Variants in MYO3B observed in about 807,000 individuals in gnomAD.
MYO3B encodes the protein myosin-IIIb.
MYO3B carries 156 observed loss-of-function variants against 174.6 expected under a neutral mutation model. That is an observed-to-expected ratio of 0.89 (90% CI 0.78 to 1.02). The LOEUF (loss-of-function observed/expected upper bound fraction) is 1.02. Among genes scored for constraint, MYO3B ranks in the 50% least tolerant of loss-of-function variants. The pLI is 0.00. For missense variants in MYO3B, 1,632 were observed against 1,639.4 expected (o/e 1.00, Z 0.08); for synonymous variants, 563 against 569.1 (o/e 0.99, Z 0.15).
chr2:170,552,486 T>C (rs758583970), intron 32 of MYO3B, among the ~76,000 whole-genome samples: 10 of 152,298 alleles, frequency 6.6e-5, no homozygotes, highest in Non-Finnish European at 1.5e-4. Flanking sequence ...TTAGGATATC[T>C]GGTAGAAGAA....
intron 28 of MYO3B, among the ~76,000 whole-genome samples, chr2:170,503,247 A>G (rs1369415423): frequency 6.6e-6 from 1 of 152,206 alleles, no homozygotes; most frequent in Non-Finnish European, 1.5e-5. Context: ...AATTTTCCCT[A>G]AGTGAAAGTC....
chr2:170,520,198 C>T (rs918971165), intron 30 of MYO3B, among the ~76,000 whole-genome samples: 2 of 151,996 alleles, frequency 1.3e-5, no homozygotes, highest in African/African-American at 2.4e-5. Flanking sequence ...ATCTAATGGG[C>T]AGAAGCCTGT....
intron 25 of MYO3B, among the ~76,000 whole-genome samples, chr2:170,479,913 G>A (rs1240448252): frequency 6.8e-6 from 1 of 147,354 alleles, no homozygotes; most frequent in Non-Finnish European, 1.5e-5. Context: ...TATTTTATAG[G>A]TTTAATATGT....
chr2:170,239,186 T>A (rs2093104495), intron 7 of MYO3B, among the ~76,000 whole-genome samples: 2 of 152,260 alleles, frequency 1.3e-5, no homozygotes, highest in Non-Finnish European at 2.9e-5. Context: ...CTGTCTCTCA[T>A]GACTCTTTAC....
intron 8 of MYO3B, among the ~76,000 whole-genome samples, chr2:170,352,016 G>A (rs1466690819): frequency 6.6e-6 from 1 of 152,196 alleles, no homozygotes. Context: ...GCAGTGGCAT[G>A]ATCTCGGCTC....
chr2:170,585,480 A>G (rs551363483), intron 32 of MYO3B, among the ~76,000 whole-genome samples: 3 of 152,254 alleles, frequency 2.0e-5, no homozygotes, highest in African/African-American at 7.2e-5. Flanking sequence ...TCCCGCCTGC[A>G]TTGTAGAGCC....
At position 170,499,685 on chromosome 2, in the gene MYO3B, CT is replaced by C. The variant is rs749050114; in HGVS notation, c.3167del (p.Leu1056ArgfsTer6). 6.2e-7 allele frequency: 1 copy of C among 1,614,042 alleles called. No individual in the cohort carries two copies. The highest frequency in any genetic ancestry group is 1.1e-5 in the South Asian group (1 of 91,070). On this transcript the variant is annotated frameshift_variant, in exon 27 of 35. Coordinates refer to ENST00000408978, the MANE Select transcript of MYO3B (RefSeq NM_138995.5). LOFTEE classifies it high-confidence loss of function. ...TTACCATGTTGAGCAATTAAATTTG[CT>C]GCTTCGAGAAGTCATAGGCAGAGTG... ...KYYHVEQLNL[L>X]LREVIGRVVV...
At position 170,473,261 on chromosome 2, in the gene MYO3B, G is replaced by A. The variant is rs539789095; in HGVS notation, c.3014+6550G>A. Among the ~76,000 whole-genome samples, 312 of 147,230 alleles carry A rather than the reference G, an allele frequency of 2.1e-3. 3 individuals are homozygous for A. Among genetic ancestry groups the A allele is most frequent in the African/African-American group, 7.5e-3 (303 of 40,184 alleles). On this transcript the variant is annotated intron_variant, in intron 25 of 34. Transcript: ENST00000408978. ...GGATTCATGCCATTCTCCTATCTCAGCCTCCCGAGTAGCTGGGACTACAGG... is the reference window on the plus strand; with the variant it reads ...GGATTCATGCCATTCTCCTATCTCAACCTCCCGAGTAGCTGGGACTACAGG...
intron 7 of MYO3B, among the ~76,000 whole-genome samples, chr2:170,246,658 G>T (rs967156346): frequency 1.3e-5 from 2 of 152,050 alleles, no homozygotes; most frequent in Non-Finnish European, 2.9e-5. Context: ...AGGGAGCATG[G>T]CCCTACCAAC....
At chr2:170,570,779 T>C (rs1692388672) in intron 32 of MYO3B, among the ~76,000 whole-genome samples, 1 of 151,952 alleles carries the variant, frequency 6.6e-6, no homozygotes, top group African/African-American at 2.4e-5. Context: ...TTTGATTTTT[T>C]TTTAGTGGTT....
chr2:170,525,210 T>G (rs1238858466), intron 30 of MYO3B, among the ~76,000 whole-genome samples: 1 of 152,146 alleles, frequency 6.6e-6, no homozygotes, highest in African/African-American at 2.4e-5. Flanking sequence ...AGAGTTAACT[T>G]GGCTGGAGAG....
intron 22 of MYO3B, among the ~76,000 whole-genome samples, chr2:170,418,392 C>T (rs62170672): frequency 6.6e-6 from 1 of 152,244 alleles, no homozygotes; most frequent in South Asian, 2.1e-4. Flanking sequence ...TTAATATCAT[C>T]GCTACTAAAT....
chr2:170,483,375 CTTTTTTTTTTTTTTT>C lies in MYO3B; in HGVS notation c.3015-15202_3015-15188del, dbSNP rs61527598. Among the ~76,000 whole-genome samples, 7 of 62,102 alleles carry C rather than the reference CTTTTTTTTTTTTTTT, an allele frequency of 1.1e-4. 1 individual carries two copies. In the East Asian group the frequency reaches 1.3e-3, roughly 11 times the overall value. 40.7% of individuals were successfully genotyped at this position (62,102 alleles called of 152,430 possible). Reference sequence around the variant, plus strand: ...AATTAAAACTCCTTGCTTGGGGATTCTTTTTTTTTTTTTTTTTTTTTTTTTTTTTGAGACGGAGTC... The same window carrying C: ...AATTAAAACTCCTTGCTTGGGGATTCTTTTTTTTTTTTTTGAGACGGAGTC... On this transcript the variant is annotated intron_variant, in intron 25 of 34. Transcript: ENST00000408978.
intron 25 of MYO3B, among the ~76,000 whole-genome samples, chr2:170,489,637 GT>G (rs1686310068): frequency 3.0e-5 from 4 of 135,006 alleles, no homozygotes; most frequent in Non-Finnish European, 6.5e-5. Context: ...CAGTAGGGGT[GT>G]GTGTGTGTGT....
intron 25 of MYO3B, among the ~76,000 whole-genome samples, chr2:170,470,102 CAAAAAAAAAAAAAAAAAA>C (rs34472083): frequency 1.9e-4 from 9 of 46,366 alleles, no homozygotes; most frequent in Non-Finnish European, 2.7e-4. Context: ...AACTCCGTCT[CAAAAAAAAAAAAAAAAAA>C]AAAAAAAAAA....
At chr2:170,185,803 T>A (rs2092455191) in intron 1 of MYO3B, among the ~76,000 whole-genome samples, 1 of 152,190 alleles carries the variant, frequency 6.6e-6, no homozygotes, top group South Asian at 2.1e-4. Context: ...TTTTCATGTG[T>A]GTCCTGTTCA....
chr2:170,361,610 A>G (rs1429190166), intron 8 of MYO3B, among the ~76,000 whole-genome samples: 1 of 152,240 alleles, frequency 6.6e-6, no homozygotes, highest in Admixed American at 6.5e-5. Flanking sequence ...AGAATAAAAC[A>G]GCCAACTCGG....
intron 28 of MYO3B, among the ~76,000 whole-genome samples, chr2:170,505,534 C>T (rs891930557): frequency 6.6e-6 from 1 of 152,170 alleles, no homozygotes; most frequent in African/African-American, 2.4e-5. Context: ...CCTTATGTTT[C>T]AGAAATTGGA....
chr2:170,498,564 G>T (rs2106072466), intron 25 of MYO3B, 28 bp from the exon 26 acceptor site: 1 of 1,509,102 alleles, frequency 6.6e-7, no homozygotes, highest in East Asian at 2.3e-5. Context: ...TGACTGAAAA[G>T]GCTTCACTTA....
Sources: gnomAD v4.1 joint callset for allele counts (sites outside exome capture counted in the v4.1 genomes callset) on GRCh38, gnomAD v4.1.1 for gene constraint, MANE v1.5 for transcripts, NCBI Gene and HGNC (gene_info 2026-07-23, HGNC 2026-07-21) for gene names.